Variants in DPF3 observed in about 807,000 individuals in gnomAD.
DPF3 encodes zinc finger protein DPF3.
Under a neutral mutation model 56.8 loss-of-function variants are expected in DPF3, and 18 were observed. The ratio of observed to expected loss-of-function variants is 0.32; its 90% CI spans 0.22 to 0.47. The LOEUF (loss-of-function observed/expected upper bound fraction) is 0.47. Ranked by LOEUF, DPF3 falls within the 20% of genes least tolerant of loss-of-function variation. The pLI, the probability that DPF3 is intolerant of heterozygous loss-of-function variation, is 1.00. For synonymous variants in DPF3, 188 were observed against 180.2 expected (o/e 1.04, Z -0.35); for missense variants, 403 against 488.8 (o/e 0.82, Z 1.65).
At chr14:72,864,549 T>G (rs1885585028) in intron 1 of DPF3, among the ~76,000 whole-genome samples, 1 of 152,202 alleles carries the variant, frequency 6.6e-6, no homozygotes, top group Non-Finnish European at 1.5e-5. Flanking sequence ...TTGAGTGACT[T>G]GGGTTGTTTA....
chr14:72,802,617 T>C (rs1892935656), intron 1 of DPF3, among the ~76,000 whole-genome samples: 1 of 152,170 alleles, frequency 6.6e-6, no homozygotes, highest in Non-Finnish European at 1.5e-5. Context: ...TGATAGTTCC[T>C]GAGTACATGG....
intron 2 of DPF3, among the ~76,000 whole-genome samples, chr14:72,760,510 T>C (rs1466353933): frequency 1.3e-5 from 2 of 152,192 alleles, no homozygotes; most frequent in Non-Finnish European, 2.9e-5. Flanking sequence ...TAAGGTAACA[T>C]ACGCACAGAT....
At chr14:72,880,122 G>C (rs1319223160) in intron 1 of DPF3, among the ~76,000 whole-genome samples, 1 of 152,190 alleles carries the variant, frequency 6.6e-6, no homozygotes, top group Non-Finnish European at 1.5e-5. Flanking sequence ...GAGCATTCCA[G>C]TATAAGCAGA....
intron 1 of DPF3, among the ~76,000 whole-genome samples, chr14:72,829,949 T>C (rs966203378): frequency 2.0e-5 from 3 of 152,210 alleles, no homozygotes; most frequent in Non-Finnish European, 4.4e-5. Flanking sequence ...TTTCACCATG[T>C]TGACCAGGCT....
intron 1 of DPF3, among the ~76,000 whole-genome samples, chr14:72,797,586 T>G (rs1158164210): frequency 6.6e-6 from 1 of 152,238 alleles, no homozygotes; most frequent in East Asian, 1.9e-4. Flanking sequence ...TCATGTAAGA[T>G]CGCATAATTC....
At chr14:72,828,273 C>A (rs8008398) in intron 1 of DPF3, among the ~76,000 whole-genome samples, 96,754 of 152,026 alleles carry the variant, frequency 0.64, 31,251 homozygotes, top group East Asian at 0.89. Context: ...ACAGCAGATC[C>A]TGCCTTCAAC....
intron 1 of DPF3, among the ~76,000 whole-genome samples, chr14:72,891,505 CT>C (rs1318326986): frequency 8.5e-5 from 13 of 152,150 alleles, no homozygotes; most frequent in Admixed American, 7.9e-4. Context: ...GCACTTTGTT[CT>C]AATTTATCCC....
chr14:72,780,381 G>A (rs1040909211), intron 1 of DPF3, among the ~76,000 whole-genome samples: 41 of 152,290 alleles, frequency 2.7e-4, no homozygotes, highest in African/African-American at 9.6e-4. Flanking sequence ...TAATTAGATT[G>A]GAAGTATCTT....
At chr14:72,825,379 G>T (rs2140041607) in intron 1 of DPF3, among the ~76,000 whole-genome samples, 1 of 152,316 alleles carries the variant, frequency 6.6e-6, no homozygotes, top group African/African-American at 2.4e-5. Flanking sequence ...GGACATTTTT[G>T]ATTCCTGCAT....
rs1198045922 is a variant in DPF3 at position 72,771,848 on chromosome 14, A to T, written c.78T>A (p.Ser26Arg). ...GCTCTGCACACAGCCGTGAGTTGTA[A>T]CTCCGGCAGTGCTCAATGGCTTCCT... is the stretch of plus-strand genomic sequence containing the variant. ...FYKEAIEHCR[S>R]YNSRLCAERS... Residue 26 changes from serine (S) to arginine (R), a missense_variant, in exon 2 of 11, where the codon AGT becomes AGA. This residue lies in a region of DPF3 where 340 missense variants were observed against 374.3 expected (regional missense o/e 0.91). Coordinates refer to ENST00000556509, the MANE Select transcript of DPF3 (RefSeq NM_001280542.3). 6.2e-7 allele frequency: 1 copy of T among 1,611,060 alleles called. No homozygotes were observed. The highest frequency in any genetic ancestry group is 1.1e-5 in the South Asian group (1 of 90,692).
intron 1 of DPF3, among the ~76,000 whole-genome samples, chr14:72,835,876 A>C (rs1252287137): frequency 6.6e-6 from 1 of 152,168 alleles, no homozygotes; most frequent in Non-Finnish European, 1.5e-5. Context: ...AATGGTTTCC[A>C]GGCCCAGGAC....
chr14:72,800,561 C>CACAG (rs1307097614), intron 1 of DPF3, among the ~76,000 whole-genome samples: 2 of 147,908 alleles, frequency 1.4e-5, no homozygotes, highest in Non-Finnish European at 3.0e-5. Context: ...TGTATGGATG[C>CACAG]ATGGATGCAT....
intron 1 of DPF3, among the ~76,000 whole-genome samples, chr14:72,794,256 A>G (rs11627381): frequency 0.12 from 18,291 of 152,186 alleles, 1,417 homozygotes; most frequent in Middle Eastern, 0.31. Flanking sequence ...ATTAGTGGTT[A>G]TTACCACAAT....
chr14:72,777,145 C>T (rs1030193938), intron 1 of DPF3, among the ~76,000 whole-genome samples: 22 of 152,182 alleles, frequency 1.4e-4, no homozygotes, highest in South Asian at 4.1e-4. Flanking sequence ...CCCCCAGAGG[C>T]GCCTCTTCCT....
chr14:72,864,891 A>AG (rs1885602505), intron 1 of DPF3, among the ~76,000 whole-genome samples: 1 of 152,234 alleles, frequency 6.6e-6, no homozygotes, highest in African/African-American at 2.4e-5. Flanking sequence ...TGAACAGAGT[A>AG]GGGGACAGAG....
chr14:72,892,002 G>T (rs1886770308), intron 1 of DPF3: 1 of 465,900 alleles, frequency 2.1e-6, no homozygotes, highest in Non-Finnish European at 3.4e-6. Flanking sequence ...ACCCTACACA[G>T]ACTCCCTCCC....
intron 7 of DPF3, among the ~76,000 whole-genome samples, chr14:72,678,755 T>C (rs1887025048): frequency 6.6e-6 from 1 of 152,242 alleles, no homozygotes; most frequent in African/African-American, 2.4e-5. Context: ...TGGCAGCATC[T>C]GCGATGATGG....
rs150455223 is a variant in DPF3, at chr14:72,787,375, C to A, written c.33-15482G>T. 7.2e-3 allele frequency among the ~76,000 whole-genome samples: 1,103 copies of A among 152,328 alleles called. 15 individuals carry two copies. Among genetic ancestry groups the A allele is most frequent in the African/African-American group, 0.026 (1,067 of 41,562 alleles). On this transcript the variant is annotated intron_variant, in intron 1 of 10. Transcript: ENST00000556509. ...TAGTCACTTTGGGTTTTTGGCAAAT[C>A]TCTCAAGCCCTCTGGGCCCAGGTCT...
At chr14:72,728,637 C>T (rs1453533125) in intron 4 of DPF3, among the ~76,000 whole-genome samples, 2 of 151,972 alleles carry the variant, frequency 1.3e-5, no homozygotes, top group Non-Finnish European at 2.9e-5. Context: ...GGGGACAGGG[C>T]GATTCCTGGA....
Sources: allele counts gnomAD v4.1 joint callset (sites outside exome capture counted in the v4.1 genomes callset), GRCh38; gene constraint gnomAD v4.1.1; regional missense constraint gnomAD v4.1.1; transcripts MANE v1.5; gene names NCBI Gene and HGNC (gene_info 2026-07-23, HGNC 2026-07-21).